DCX: variants seen among roughly 807,000 people sequenced by gnomAD.
The protein encoded by DCX is neuronal migration protein doublecortin.
In DCX, 4 loss-of-function variants were observed where a neutral mutation model predicts 20.9. The observed-to-expected ratio is 0.19, with a 90% CI of 0.09 to 0.44. The LOEUF is 0.44. DCX is among the 20% of genes least tolerant of loss of function. The pLI, the probability that DCX is intolerant of heterozygous loss-of-function variation, is 0.99. For synonymous variants in DCX, 103 were observed against 111.4 expected (o/e 0.92, Z 0.47); for missense variants, 133 against 296.9 (o/e 0.45, Z 4.06).
At chrX:111,355,032 A>G (rs1391111617) in intron 3 of DCX, among the ~76,000 whole-genome samples, 2 of 112,484 alleles carry the variant, frequency 1.8e-5, no homozygotes, top group African/African-American at 6.5e-5. Context: ...CAGCCTTTTC[A>G]GTCTAATTTT....
chrX:111,373,694 G>A (rs1202295258), intron 3 of DCX, among the ~76,000 whole-genome samples: 3 of 111,031 alleles, frequency 2.7e-5, no homozygotes, highest in African/African-American at 9.8e-5. Context: ...CCTACAAGTG[G>A]AGTAAATATT....
chrX:111,330,828 C>T, intron 5 of DCX, 76 bp downstream of exon 5: 2 of 1,162,667 alleles, frequency 1.7e-6, no homozygotes, highest in Non-Finnish European at 1.2e-6. Context: ...TCATGAGGAA[C>T]TGATTCCTCT....
chrX:111,384,106 G>A (rs1926191559), intron 3 of DCX, among the ~76,000 whole-genome samples: 1 of 111,607 alleles, frequency 9.0e-6, no homozygotes, highest in African/African-American at 3.3e-5. Context: ...GCTGCCTTTA[G>A]TTTACCAAAT....
At chrX:111,336,846 G>A (rs184033898) in intron 3 of DCX, among the ~76,000 whole-genome samples, 12 of 111,816 alleles carry the variant, frequency 1.1e-4, no homozygotes, top group African/African-American at 3.6e-4. Flanking sequence ...TTAAGGATAT[G>A]TTTAATCTAT....
At chrX:111,314,536 A>G (rs1204887576) in intron 5 of DCX, among the ~76,000 whole-genome samples, 4 of 111,670 alleles carry the variant, frequency 3.6e-5, no homozygotes, top group African/African-American at 1.3e-4. Context: ...ATGGTTTCCA[A>G]GGGTTGGAGG....
chrX:111,316,293 G>A (rs745717332), intron 5 of DCX, among the ~76,000 whole-genome samples: 9 of 110,230 alleles, frequency 8.2e-5, no homozygotes, highest in African/African-American at 2.3e-4. Context: ...GTGCAGTGGC[G>A]CAATCTCGGC....
chrX:111,322,981 A>G (rs1038048005), intron 5 of DCX, among the ~76,000 whole-genome samples: 1 of 112,054 alleles, frequency 8.9e-6, no homozygotes, highest in African/African-American at 3.2e-5. Flanking sequence ...ATATTTTGAC[A>G]CAGATGAGTT....
At chrX:111,343,286 A>G (rs1472638807) in intron 3 of DCX, among the ~76,000 whole-genome samples, 2 of 110,700 alleles carry the variant, frequency 1.8e-5, no homozygotes, top group Admixed American at 1.9e-4. Context: ...AGAGAATACT[A>G]TAAACACCTC....
intron 3 of DCX, among the ~76,000 whole-genome samples, chrX:111,337,397 CCAG>C (rs1267078960): frequency 9.1e-6 from 1 of 110,466 alleles, no homozygotes. Flanking sequence ...AAAAAAAAAA[CCAG>C]CAGGTGTTGG....
At chrX:111,339,100 T>C (rs192568195) in intron 3 of DCX, among the ~76,000 whole-genome samples, 2 of 112,617 alleles carry the variant, frequency 1.8e-5, no homozygotes, top group East Asian at 5.5e-4. Context: ...TCTCTTTTGC[T>C]AGATTCTTTT....
intron 3 of DCX, among the ~76,000 whole-genome samples, chrX:111,368,901 T>TACACACACACACACAC (rs200777698): frequency 5.2e-4 from 51 of 98,261 alleles, no homozygotes; most frequent in African/African-American, 1.8e-3. Context: ...TATATATACA[T>TACACACACACACACAC]ACACACACAC....
intron 3 of DCX, among the ~76,000 whole-genome samples, chrX:111,337,275 A>T (rs1414004164): frequency 8.9e-6 from 1 of 111,745 alleles, no homozygotes; most frequent in East Asian, 2.8e-4. Flanking sequence ...TAAGTCAGGG[A>T]AGAGAACACA....
chrX:111,382,383 C>T (rs1926041319), intron 3 of DCX, among the ~76,000 whole-genome samples: 1 of 112,158 alleles, frequency 8.9e-6, no homozygotes, highest in Admixed American at 9.5e-5. Context: ...AATTCAGTTC[C>T]CAGTGATTCT....
intron 3 of DCX, among the ~76,000 whole-genome samples, chrX:111,356,794 T>C (rs1408911464): frequency 8.9e-6 from 1 of 112,052 alleles, no homozygotes; most frequent in Admixed American, 9.4e-5. Flanking sequence ...AAGATTGATG[T>C]TGAATGACAG....
chrX:111,306,137 G>A (rs763071336), intron 6 of DCX, among the ~76,000 whole-genome samples: 15 of 111,191 alleles, frequency 1.3e-4, no homozygotes, highest in Non-Finnish European at 2.6e-4. Context: ...GCAGAGACTG[G>A]CAAAATAGAT....
At position 111,398,773 on chromosome X, in the gene DCX, A is replaced by G. The variant is rs759497155; in HGVS notation, c.705+2217T>C. Among the ~76,000 whole-genome samples the G allele has an allele frequency of 7.2e-5, 8 of 111,595 alleles. No individual in the cohort carries two copies. The South Asian group carries it at 3.0e-3, about 42-fold the overall frequency. On this transcript the variant is annotated intron_variant, in intron 3 of 6. Coordinates refer to ENST00000636035, the MANE Select transcript of DCX (RefSeq NM_001195553.2). ...AAAGCAGAATGCCAAGGCATGGTAT[A>G]TATTCACAAATGTTGGAAATTTATA...
intron 5 of DCX, among the ~76,000 whole-genome samples, chrX:111,320,839 TCTCA>T (rs1251764293): frequency 1.8e-4 from 20 of 109,345 alleles, no homozygotes; most frequent in African/African-American, 6.4e-4. Flanking sequence ...TCTCTCTCTC[TCTCA>T]CACACACACA....
chrX:111,357,629 A>C (rs1292571981), intron 3 of DCX, among the ~76,000 whole-genome samples: 1 of 109,595 alleles, frequency 9.1e-6, no homozygotes, highest in Non-Finnish European at 1.9e-5. Context: ...AAAAATTTAA[A>C]AAATTACACG....
intron 3 of DCX, among the ~76,000 whole-genome samples, chrX:111,382,814 C>T (rs761380511): frequency 1.5e-4 from 17 of 111,250 alleles, no homozygotes; most frequent in Non-Finnish European, 3.0e-4. Context: ...AAGAGGTGAC[C>T]ATGGGCATGC....
Sources: gnomAD v4.1 joint callset for allele counts (sites outside exome capture counted in the v4.1 genomes callset) on GRCh38, gnomAD v4.1.1 for gene constraint, MANE v1.5 for transcripts, NCBI Gene and HGNC (gene_info 2026-07-23, HGNC 2026-07-21) for gene names.